The following SEL1L variants were observed in gnomAD, a reference collection of about 807,000 sequenced individuals.
The protein encoded by SEL1L is protein sel-1 homolog 1.
SEL1L carries 52 observed loss-of-function variants against 109.8 expected under a neutral mutation model. That is an observed-to-expected ratio of 0.47 (90% CI 0.38 to 0.60). SEL1L has a LOEUF of 0.60. Among genes scored for constraint, SEL1L ranks in the 20% least tolerant of loss-of-function variants. The pLI, the probability that SEL1L is intolerant of heterozygous loss-of-function variation, is 0.00. For missense variants in SEL1L, 749 were observed against 962.2 expected, an observed-to-expected ratio of 0.78 and a Z score of 2.93; for synonymous variants, 373 against 339.6, an observed-to-expected ratio of 1.10 and a Z score of -1.08.
chr14:81,507,758 G>A (rs971949029), intron 3 of SEL1L, among the ~76,000 whole-genome samples: 1 of 151,984 alleles, frequency 6.6e-6, no homozygotes, highest in Admixed American at 6.5e-5. Context: ...AAGACCAGAG[G>A]TCCAGGACTA....
Position 81,477,196 on chromosome 14 carries a change from T to C in SEL1L, c.2176-15A>G, listed in dbSNP as rs374223198. Reference sequence around the variant, plus strand: ...ATATCTCGAATCTTAATGAAAATAATATAGAAACCATTATTATCACTAAAA... The same window carrying C: ...ATATCTCGAATCTTAATGAAAATAACATAGAAACCATTATTATCACTAAAA... On this transcript the variant is annotated splice_polypyrimidine_tract_variant and intron_variant, in intron 20 of 20. Transcript: ENST00000336735. 17 of 1,596,680 alleles carry C rather than the reference T, an allele frequency of 1.1e-5. No individual in the cohort carries two copies. The African/African-American group carries it at 2.0e-4, about 19-fold the overall frequency.
At chr14:81,525,420 T>TAAAAAAAAAAAAAAA (rs376907456) in intron 3 of SEL1L, among the ~76,000 whole-genome samples, 2 of 75,410 alleles carry the variant, frequency 2.7e-5, no homozygotes, top group Non-Finnish European at 6.0e-5. Context: ...ATATAAAAAC[T>TAAAAAAAAAAAAAAA]AAAAAAAAAA....
intron 16 of SEL1L, among the ~76,000 whole-genome samples, chr14:81,486,967 TTTC>T (rs1187471557): frequency 2.0e-5 from 3 of 146,676 alleles, no homozygotes; most frequent in African/African-American, 8.1e-5. Flanking sequence ...TTTTTCTTTC[TTTC>T]TTTTTTTTTT....
At chr14:81,496,922 GT>G (rs1432456004) in intron 10 of SEL1L, among the ~76,000 whole-genome samples, 1 of 152,100 alleles carries the variant, frequency 6.6e-6, no homozygotes, top group East Asian at 1.9e-4. Context: ...CCAGACTTTG[GT>G]AAGTCAAGGA....
At chr14:81,514,173 C>A (rs1435749772) in intron 3 of SEL1L, among the ~76,000 whole-genome samples, 3 of 152,228 alleles carry the variant, frequency 2.0e-5, no homozygotes, top group Non-Finnish European at 2.9e-5. Context: ...TTGCCCAAAG[C>A]CCCATCGGGG....
rs989764127 is a variant in SEL1L at position 81,481,484 on chromosome 14, G to A, written c.2047-1744C>T. On this transcript the variant is annotated intron_variant, in intron 19 of 20. Transcript: ENST00000336735. ...AAAATATAACTCAAATGGTTTTTTCGACTGCTATATTTTTCAAGATCATGG... is the reference window on the plus strand; with the variant it reads ...AAAATATAACTCAAATGGTTTTTTCAACTGCTATATTTTTCAAGATCATGG... Among the ~76,000 whole-genome samples the A allele has an allele frequency of 3.9e-5, 6 of 152,104 alleles. No homozygotes were observed. The East Asian group carries it at 5.8e-4, about 15-fold the overall frequency.
rs1292519026 is a variant in SEL1L at position 81,526,615 on chromosome 14, A to G, written c.340+118T>C. The G allele has an allele frequency of 3.9e-6, 3 of 766,982 alleles. No individual in the cohort carries two copies. In the East Asian group the frequency reaches 7.4e-5, roughly 19 times the overall value. 47.5% of individuals were successfully genotyped at this position (766,982 alleles called of 1,614,324 possible). A position where few individuals can be genotyped will look rare whatever the true frequency, so the allele number is the denominator to read the frequency against. On this transcript the variant is annotated intron_variant, in intron 3 of 20. Coordinates refer to ENST00000336735, the MANE Select transcript of SEL1L (RefSeq NM_005065.6). ...AAATTCTCTCCAAACTACACTCCAT[A>G]TATTATTTGTGGGTAATAATCAGTG... is the stretch of plus-strand genomic sequence containing the variant.
chr14:81,478,603 T>C (rs532275416), intron 20 of SEL1L, among the ~76,000 whole-genome samples: 31 of 152,330 alleles, frequency 2.0e-4, no homozygotes, highest in Admixed American at 1.9e-3. Flanking sequence ...ATTGTTTCAA[T>C]TGGCAGCGGT....
At chr14:81,496,443 A>G (rs1384005456) in intron 10 of SEL1L, among the ~76,000 whole-genome samples, 1 of 152,232 alleles carries the variant, frequency 6.6e-6, no homozygotes, top group Non-Finnish European at 1.5e-5. Flanking sequence ...GAGATACAGT[A>G]AGAAATAAAG....
At chr14:81,489,928 A>T (rs1346515986) in intron 13 of SEL1L, among the ~76,000 whole-genome samples, 1 of 152,236 alleles carries the variant, frequency 6.6e-6, no homozygotes, top group African/African-American at 2.4e-5. Flanking sequence ...CTGGAACTAC[A>T]GTAACATGTA....
In SEL1L at chr14:81,499,512, C is replaced by T. The variant is rs757254036; in HGVS notation, c.838G>A (p.Val280Ile). ...GVNSSQAKAL[V>I]YYTFGALGGN... ...CCAAGAGCTCCAAATGTATAATATA[C>T]AAGAGCCTGTGAAAGAACAAAACAT... is the stretch of plus-strand genomic sequence containing the variant. The change falls in exon 8 of 21, where the codon GTA becomes ATA. Residue 280 changes from valine (V) to isoleucine (I), a missense_variant. This residue lies in a region of SEL1L where 366 missense variants were observed against 399.8 expected (regional missense o/e 0.92). Coordinates refer to ENST00000336735, the MANE Select transcript of SEL1L (RefSeq NM_005065.6). The T allele has an allele frequency of 3.7e-5, 60 of 1,611,634 alleles. No individual in the cohort carries two copies. Among genetic ancestry groups the T allele is most frequent in the African/African-American group, 1.2e-4 (9 of 74,762 alleles).
At chr14:81,518,623 G>A (rs1450156479) in intron 3 of SEL1L, among the ~76,000 whole-genome samples, 2 of 139,774 alleles carry the variant, frequency 1.4e-5, no homozygotes, top group African/African-American at 5.7e-5. Flanking sequence ...TCATGCCACT[G>A]CACTCCAACC....
intron 3 of SEL1L, among the ~76,000 whole-genome samples, chr14:81,513,914 G>A (rs1050448748): frequency 6.6e-6 from 1 of 152,118 alleles, no homozygotes. Flanking sequence ...CGGAACTCTC[G>A]AAGTCACGTC....
chr14:81,487,811 A>T (rs780707271), intron 15 of SEL1L, 44 bp downstream of exon 15: 1 of 1,607,816 alleles, frequency 6.2e-7, no homozygotes, highest in Non-Finnish European at 8.5e-7. Context: ...AAACAGCTTA[A>T]TTTAGATCTT....
intron 19 of SEL1L, 39 bp from the exon 20 acceptor site, chr14:81,479,779 A>G: frequency 6.6e-7 from 1 of 1,526,130 alleles, no homozygotes; most frequent in Non-Finnish European, 8.9e-7. Flanking sequence ...ATTTCTTGTC[A>G]AAATAAGTAA....
chr14:81,495,089 T>C lies in SEL1L; in HGVS notation c.1177A>G (p.Asn393Asp), dbSNP rs1457325379. 1 of 1,613,852 alleles carries C rather than the reference T, an allele frequency of 6.2e-7. No individual in the cohort carries two copies. Among genetic ancestry groups the C allele is most frequent in the African/African-American group, 1.3e-5 (1 of 74,932 alleles). The stretch of plus-strand genomic sequence containing the variant: ...AGGAACAGGGTAGTTACCTGATGAT[T>C]CTGTTCTACTCCACGCCCTCCGTGC... Reference protein sequence around the residue: ...HLHGGRGVEQNHQRAFDYFNL... With the variant: ...HLHGGRGVEQDHQRAFDYFNL... The change falls in exon 11 of 21, where the codon AAT (asparagine) becomes GAT (aspartate). Residue 393 changes from asparagine to aspartate, a missense_variant. Around this residue, in one of 2 missense-constraint regions of SEL1L, gnomAD observed 383 missense variants for 562.5 expected, o/e 0.68. Transcript: ENST00000336735.
intron 3 of SEL1L, among the ~76,000 whole-genome samples, chr14:81,525,775 A>G (rs1885087481): frequency 6.6e-6 from 1 of 152,206 alleles, no homozygotes; most frequent in Admixed American, 6.5e-5. Flanking sequence ...AATTGAAAAT[A>G]AGCTAAATGA....
chr14:81,525,127 G>A (rs982073153), intron 3 of SEL1L, among the ~76,000 whole-genome samples: 1 of 151,970 alleles, frequency 6.6e-6, no homozygotes, highest in African/African-American at 2.4e-5. Context: ...AATATTCTAG[G>A]AAAGAAAAAA....
chr14:81,519,167 C>T (rs1884817615), intron 3 of SEL1L, among the ~76,000 whole-genome samples: 1 of 152,230 alleles, frequency 6.6e-6, no homozygotes, highest in Admixed American at 6.5e-5. Flanking sequence ...AAACATTTCA[C>T]ATGTGTTATC....
Sources: allele counts gnomAD v4.1 joint callset (sites outside exome capture counted in the v4.1 genomes callset), GRCh38; gene constraint gnomAD v4.1.1; regional missense constraint gnomAD v4.1.1; transcripts MANE v1.5; gene names NCBI Gene and HGNC (gene_info 2026-07-23, HGNC 2026-07-21).